The following ELF4 variants were observed in gnomAD, a reference collection of about 807,000 sequenced individuals.
ELF4 encodes ETS-related transcription factor Elf-4.
Under a neutral mutation model 31.7 loss-of-function variants are expected in ELF4, and 10 were observed. The ratio of observed to expected loss-of-function variants is 0.32; its 90% CI spans 0.19 to 0.54. The LOEUF is 0.54. ELF4 is among the 20% of genes least tolerant of loss of function. The pLI is 0.95. For missense variants in ELF4, 418 were observed against 522.0 expected (o/e 0.80, Z 1.94); for synonymous variants, 208 against 226.7 (o/e 0.92, Z 0.74).
intron 1 of ELF4, among the ~76,000 whole-genome samples, chrX:130,102,216 T>C (rs1338968862): frequency 8.9e-6 from 1 of 112,719 alleles, no homozygotes; most frequent in Admixed American, 9.4e-5. Context: ...ATGCAAATAT[T>C]AAAAGAAAAT....
chrX:130,081,644 T>A, intron 1 of ELF4, 105 bp from the exon 2 acceptor site: 3 of 356,593 alleles, frequency 8.4e-6, no homozygotes. Context: ...TAAGGCAGAC[T>A]GCCAATAGAG....
At position 130,081,245 on chromosome X, in the gene ELF4, T is replaced by G; in HGVS notation, c.75+11A>C. On this transcript the variant is annotated intron_variant, in intron 2 of 8. Transcript: ENST00000308167. ...CAGGGGCTAACTGTGCTCTGTTCTC[T>G]GGGGCCATACCTGGTGGATATCATC... 1 of 1,211,517 alleles carries G rather than the reference T, an allele frequency of 8.3e-7. No homozygotes were observed.
In ELF4 at chrX:130,067,315, G is replaced by A. The variant is rs746430299; in HGVS notation, c.1398C>T (p.Asn466=). The change falls in exon 9 of 9, where the codon AAC becomes AAT. Residue 466 remains asparagine (N), a synonymous_variant. Transcript: ENST00000308167. The stretch of plus-strand genomic sequence containing the variant: ...CCACCTGGCTGTCTTGGAAACTGGC[G>A]TTCAGGGGGAAAGAGGCCTGCAAAG... ...TFTLQASFPL[N]ASFQDSQVAA... 22 of 1,210,817 alleles carry A rather than the reference G, an allele frequency of 1.8e-5. No individual in the cohort carries two copies. The highest frequency in any genetic ancestry group is 1.2e-4 in the South Asian group (7 of 56,918).
At chrX:130,098,933 G>C (rs997601961) in intron 1 of ELF4, among the ~76,000 whole-genome samples, 2 of 111,945 alleles carry the variant, frequency 1.8e-5, no homozygotes, top group East Asian at 2.8e-4. Flanking sequence ...CATCTTCCAG[G>C]GGCCTCCATT....
At chrX:130,106,889 G>C (rs1257759042) in intron 1 of ELF4, among the ~76,000 whole-genome samples, 1 of 110,988 alleles carries the variant, frequency 9.0e-6, no homozygotes, top group Non-Finnish European at 1.9e-5. Flanking sequence ...GGGGGCTATA[G>C]GGATGTTTGG....
In ELF4 at chrX:130,069,387, C is replaced by T. The variant is rs1295787550; in HGVS notation, c.1100G>A (p.Gly367Glu). Residue 367 changes from glycine (G) to glutamate (E), a missense_variant, in exon 8 of 9, where the codon GGA becomes GAA. Coordinates refer to ENST00000308167, the MANE Select transcript of ELF4 (RefSeq NM_001421.4). ...GGGGATCTCCTCGTCTAGCGACGGT[C>T]CCAATTCCAGACTCGCAGATGGCTG... ...GLQPSASLELGPSLDEEIPTT... is the reference protein window; with the variant it reads ...GLQPSASLELEPSLDEEIPTT... 8.3e-7 allele frequency: 1 copy of T among 1,212,051 alleles called. No individual in the cohort carries two copies. Among genetic ancestry groups the T allele is most frequent in the South Asian group, 1.8e-5 (1 of 57,014 alleles).
chrX:130,093,780 C>T (rs1272891586), intron 1 of ELF4, among the ~76,000 whole-genome samples: 1 of 111,993 alleles, frequency 8.9e-6, no homozygotes, highest in Non-Finnish European at 1.9e-5. Context: ...CCCTGAGGTT[C>T]AAGCAGCTGT....
At chrX:130,102,952 A>AAGGG (rs1164110030) in intron 1 of ELF4, among the ~76,000 whole-genome samples, 2 of 49,503 alleles carry the variant, frequency 4.0e-5, no homozygotes, top group African/African-American at 2.3e-4. Context: ...GGAAGGAAGG[A>AAGGG]AGGGAGGGAG....
chrX:130,083,880 G>C (rs1932924148), intron 1 of ELF4, among the ~76,000 whole-genome samples: 1 of 109,165 alleles, frequency 9.2e-6, no homozygotes, highest in African/African-American at 3.3e-5. Context: ...GGATAGATTG[G>C]TGGTATGGGT....
At chrX:130,085,056 T>C (rs987723231) in intron 1 of ELF4, among the ~76,000 whole-genome samples, 6 of 111,924 alleles carry the variant, frequency 5.4e-5, no homozygotes, top group African/African-American at 2.0e-4. Flanking sequence ...GCTCGGGGAA[T>C]TGAGGAGCCT....
chrX:130,097,059 G>A (rs1933161258), intron 1 of ELF4, among the ~76,000 whole-genome samples: 4 of 107,802 alleles, frequency 3.7e-5, no homozygotes. Flanking sequence ...CACTTTGGGA[G>A]GCCGAGGTGG....
intron 4 of ELF4, among the ~76,000 whole-genome samples, chrX:130,073,552 C>T (rs929517209): frequency 1.8e-5 from 2 of 112,426 alleles, no homozygotes; most frequent in African/African-American, 6.4e-5. Context: ...GCTCTTGTCA[C>T]CCAGGCTGGA....
intron 1 of ELF4, among the ~76,000 whole-genome samples, chrX:130,098,055 C>T: frequency 8.9e-6 from 1 of 112,197 alleles, no homozygotes; most frequent in Non-Finnish European, 1.9e-5. Context: ...ACAGCCTGCC[C>T]AGGGCCCTAC....
At chrX:130,094,982 G>T (rs1299119224) in intron 1 of ELF4, among the ~76,000 whole-genome samples, 3 of 111,824 alleles carry the variant, frequency 2.7e-5, no homozygotes, top group Non-Finnish European at 5.6e-5. Context: ...CGAGGGTGGT[G>T]GGTGTGGCCA....
chrX:130,071,401 T>C lies in ELF4; in HGVS notation c.551A>G (p.Asn184Ser). 1 of 1,211,580 alleles carries C rather than the reference T, an allele frequency of 8.3e-7. No homozygotes were observed. Among genetic ancestry groups the C allele is most frequent in the East Asian group, 3.0e-5 (1 of 33,845 alleles). ...GTCAGTGACAGGTGAGGTACTTCGG[T>C]TGCCCTTGGTCTTCCGGACTATGAG... ...SKKRIRKTKG[N>S]RSTSPVTDPS... The change falls in exon 6 of 9, where the codon AAC (asparagine) becomes AGC (serine). Residue 184 changes from asparagine (N) to serine (S), a missense_variant. Asn to Ser is a conservative substitution (Grantham distance 46, BLOSUM62 1). Transcript: ENST00000308167.
At chrX:130,087,570 T>C (rs1932980472) in intron 1 of ELF4, among the ~76,000 whole-genome samples, 1 of 112,376 alleles carries the variant, frequency 8.9e-6, no homozygotes, top group Non-Finnish European at 1.9e-5. Flanking sequence ...AACCTCCGCC[T>C]CCAGGGTGTG....
intron 1 of ELF4, among the ~76,000 whole-genome samples, chrX:130,094,150 G>T (rs1295090074): frequency 9.1e-6 from 1 of 109,407 alleles, no homozygotes; most frequent in African/African-American, 3.5e-5. Flanking sequence ...GGATCATGAG[G>T]TCAGGTGGGC....
intron 2 of ELF4, among the ~76,000 whole-genome samples, chrX:130,076,216 GT>G (rs869259954): frequency 1.8e-5 from 2 of 110,781 alleles, no homozygotes; most frequent in African/African-American, 3.3e-5. Context: ...GACTGCATGT[GT>G]TTTTTTTAAA....
intron 7 of ELF4, among the ~76,000 whole-genome samples, 198 bp from the exon 8 acceptor site, chrX:130,069,875 C>T (rs1932764690): frequency 8.9e-6 from 1 of 112,490 alleles, no homozygotes; most frequent in Admixed American, 9.4e-5. Context: ...TTATGACATT[C>T]CTGAGATTTC....
Sources: gnomAD v4.1 joint callset for allele counts (sites outside exome capture counted in the v4.1 genomes callset) on GRCh38, gnomAD v4.1.1 for gene constraint, MANE v1.5 for transcripts, NCBI Gene and HGNC (gene_info 2026-07-23, HGNC 2026-07-21) for gene names.